The following GRIK4 variants were observed in gnomAD, a reference collection of about 807,000 sequenced individuals.
GRIK4 encodes the protein glutamate ionotropic receptor kainate type subunit 4.
GRIK4 carries 40 observed loss-of-function variants against 104.9 expected under a neutral mutation model. The observed-to-expected ratio is 0.38, with a 90% CI of 0.30 to 0.50. The LOEUF is 0.50. GRIK4 is among the 20% of genes least tolerant of loss of function. GRIK4 has a pLI of 0.93. For synonymous variants in GRIK4, 485 were observed against 524.9 expected (o/e 0.92, Z 1.04); for missense variants, 1,047 against 1,308.1 (o/e 0.80, Z 3.08).
intron 1 of GRIK4, among the ~76,000 whole-genome samples, chr11:120,525,235 A>G (rs115562019): frequency 0.018 from 2,726 of 152,252 alleles, 77 homozygotes; most frequent in African/African-American, 0.061. Flanking sequence ...TAGCCGTCTC[A>G]TTTCACAAGT....
chr11:120,546,140 AG>A (rs1201772907), intron 1 of GRIK4, among the ~76,000 whole-genome samples: 2 of 152,168 alleles, frequency 1.3e-5, no homozygotes, highest in Non-Finnish European at 2.9e-5. Flanking sequence ...GCATCCTCCA[AG>A]GGGGAACCCC....
At chr11:120,643,953 C>G (rs940605089) in intron 1 of GRIK4, among the ~76,000 whole-genome samples, 1 of 151,152 alleles carries the variant, frequency 6.6e-6, no homozygotes, top group African/African-American at 2.4e-5. Context: ...ATTATCCAGT[C>G]TAACAATGCA....
chr11:120,911,807 G>T (rs1268415871), intron 13 of GRIK4, among the ~76,000 whole-genome samples: 2 of 142,502 alleles, frequency 1.4e-5, no homozygotes, highest in Non-Finnish European at 3.0e-5. Flanking sequence ...GTGTGCCATT[G>T]CATTCCAGCC....
At position 120,542,911 on chromosome 11, in the gene GRIK4, G is replaced by T. The variant is rs977617074; in HGVS notation, c.-159+31024G>T. Among the ~76,000 whole-genome samples the T allele has an allele frequency of 1.4e-4, 21 of 152,260 alleles. 1 individual carries two copies. Among genetic ancestry groups the T allele is most frequent in the Non-Finnish European group, 2.4e-4 (16 of 68,040 alleles). On this transcript the variant is annotated intron_variant, in intron 1 of 20. Coordinates refer to ENST00000527524, the MANE Select transcript of GRIK4 (RefSeq NM_014619.5). ...GGGGAAGGGGAAACTGAGGCATGTT[G>T]AGCACAGCCTAGGCTCCCAGCATAT... is the stretch of plus-strand genomic sequence containing the variant.
At chr11:120,941,827 C>T (rs1401314034) in intron 14 of GRIK4, among the ~76,000 whole-genome samples, 1 of 152,078 alleles carries the variant, frequency 6.6e-6, no homozygotes, top group Admixed American at 6.5e-5. Flanking sequence ...ACCAATACCT[C>T]GATGTGGCCT....
intron 10 of GRIK4, among the ~76,000 whole-genome samples, chr11:120,874,430 A>C (rs1954713942): frequency 1.3e-5 from 2 of 152,198 alleles, no homozygotes; most frequent in African/African-American, 4.8e-5. Context: ...GAATTCATGG[A>C]AGTTTGTTCA....
chr11:120,682,081 TGGA>T (rs926061099), intron 3 of GRIK4, among the ~76,000 whole-genome samples: 8 of 152,106 alleles, frequency 5.3e-5, no homozygotes, highest in Non-Finnish European at 1.2e-4. Context: ...CAGCCCTCCC[TGGA>T]GGTGGAGGGA....
intron 1 of GRIK4, among the ~76,000 whole-genome samples, chr11:120,610,810 C>T (rs1005296679): frequency 5.3e-5 from 8 of 152,120 alleles, no homozygotes; most frequent in Non-Finnish European, 1.0e-4. Flanking sequence ...GGGAGGTCCC[C>T]CTCCCCAGCA....
intron 13 of GRIK4, among the ~76,000 whole-genome samples, chr11:120,915,678 C>T (rs1245833373): frequency 6.6e-6 from 1 of 152,178 alleles, no homozygotes; most frequent in Non-Finnish European, 1.5e-5. Context: ...ATCTCATGTG[C>T]TCCAGACCCT....
intron 3 of GRIK4, among the ~76,000 whole-genome samples, chr11:120,689,784 TCATAG>T: frequency 6.6e-6 from 1 of 152,292 alleles, no homozygotes; most frequent in East Asian, 1.9e-4. Context: ...TCTGCTCATC[TCATAG>T]CAGCTTTTGT....
chr11:120,802,567 C>T, intron 3 of GRIK4, 126 bp from the exon 4 acceptor site: 1 of 798,102 alleles, frequency 1.3e-6, no homozygotes, highest in Non-Finnish European at 2.1e-6. Flanking sequence ...CTGAGCATGG[C>T]AGGATGGAGA....
chr11:120,558,423 G>A (rs7931426), intron 1 of GRIK4, among the ~76,000 whole-genome samples: 2,994 of 151,938 alleles, frequency 0.02, 101 homozygotes, highest in African/African-American at 0.068. Context: ...CTGTCTCTAC[G>A]AAAAATTCAA....
chr11:120,826,069 A>C (rs1953250981), intron 6 of GRIK4, among the ~76,000 whole-genome samples: 1 of 152,244 alleles, frequency 6.6e-6, no homozygotes, highest in South Asian at 2.1e-4. Flanking sequence ...CTACGTGCCC[A>C]ACACCATGCT....
At chr11:120,908,906 G>A (rs533477328) in intron 13 of GRIK4, among the ~76,000 whole-genome samples, 76 of 152,372 alleles carry the variant, frequency 5.0e-4, no homozygotes, top group African/African-American at 1.8e-3. Flanking sequence ...AGCATAAAAT[G>A]TGGGCTGATC....
At chr11:120,848,765 A>G (rs138262842) in intron 8 of GRIK4, among the ~76,000 whole-genome samples, 1 of 152,300 alleles carries the variant, frequency 6.6e-6, no homozygotes, top group East Asian at 1.9e-4. Context: ...TTAACCAATT[A>G]GGTCTTTATC....
intron 11 of GRIK4, among the ~76,000 whole-genome samples, chr11:120,878,072 G>C (rs1424192503): frequency 6.6e-6 from 1 of 152,218 alleles, no homozygotes; most frequent in Non-Finnish European, 1.5e-5. Flanking sequence ...GAGTCATTAA[G>C]AAACAGCGTC....
At chr11:120,840,374 A>G (rs1331450321) in intron 8 of GRIK4, among the ~76,000 whole-genome samples, 2 of 152,152 alleles carry the variant, frequency 1.3e-5, no homozygotes, top group African/African-American at 4.8e-5. Flanking sequence ...TAGAGACTTG[A>G]TCAGTGAAAC....
intron 8 of GRIK4, among the ~76,000 whole-genome samples, chr11:120,856,362 G>C (rs1276684335): frequency 6.6e-6 from 1 of 152,194 alleles, no homozygotes; most frequent in Non-Finnish European, 1.5e-5. Flanking sequence ...ATGGTCATCA[G>C]TATAAATGGC....
intron 11 of GRIK4, among the ~76,000 whole-genome samples, chr11:120,897,601 C>CAATAAAAAAAAAAAAAA (rs1942617951): frequency 7.7e-5 from 1 of 13,066 alleles, no homozygotes. Context: ...GACTCCTTCT[C>CAATAAAAAAAAAAAAAA]AAAAAAAAAA....
Sources: allele counts gnomAD v4.1 joint callset (sites outside exome capture counted in the v4.1 genomes callset), GRCh38; gene constraint gnomAD v4.1.1; transcripts MANE v1.5; gene names NCBI Gene and HGNC (gene_info 2026-07-23, HGNC 2026-07-21).